The following SPATA21 variants were observed in gnomAD, a reference collection of about 807,000 sequenced individuals.
The protein encoded by SPATA21 is spermatogenesis associated 21.
Under a neutral mutation model 54.8 loss-of-function variants are expected in SPATA21, and 47 were observed. The observed-to-expected ratio is 0.86, with a 90% CI of 0.68 to 1.09. The LOEUF (loss-of-function observed/expected upper bound fraction) is 1.09, where lower values mean the gene tolerates loss of function less well. Among genes scored for constraint, SPATA21 ranks in the 50% least tolerant of loss-of-function variants. SPATA21 has a pLI of 0.00. For missense variants in SPATA21, 599 were observed against 596.4 expected, an observed-to-expected ratio of 1.00 and a Z score of -0.05; for synonymous variants, 245 against 235.3, an observed-to-expected ratio of 1.04 and a Z score of -0.38.
Position 16,412,782 on chromosome 1 carries a change from T to TTTTC in SPATA21, c.145-2743_145-2740dup, listed in dbSNP as rs766226393. 1.0e-3 allele frequency among the ~76,000 whole-genome samples: 155 copies of TTTTC among 149,808 alleles called. 1 individual carries two copies. The highest frequency in any genetic ancestry group is 2.3e-3 in the Admixed American group (35 of 14,958). On this transcript the variant is annotated intron_variant, in intron 5 of 12. Coordinates refer to ENST00000335496, the MANE Select transcript of SPATA21 (RefSeq NM_198546.1). ...CCAGCCACATTTACCAACTTAACGA[T>TTTTC]TTTCTTTCTTTCTTTCTTTCTTTTT... is the stretch of plus-strand genomic sequence containing the variant.
At chr1:16,430,834 A>G (rs1036000469) in intron 3 of SPATA21, among the ~76,000 whole-genome samples, 6 of 152,188 alleles carry the variant, frequency 3.9e-5, no homozygotes, top group African/African-American at 1.4e-4. Context: ...ATCTGGGCCA[A>G]TGACAGTGAT....
chr1:16,398,927 C>T (rs2085359585), intron 12 of SPATA21, 105 bp from the exon 13 acceptor site: 2 of 1,205,152 alleles, frequency 1.7e-6, no homozygotes, highest in Non-Finnish European at 2.3e-6. Context: ...GAGAGGAGGC[C>T]TCCCCTCAGA....
chr1:16,421,938 G>A lies in SPATA21; in HGVS notation c.68C>T (p.Thr23Met), dbSNP rs149847071. Residue 23 changes from threonine to methionine, a missense_variant, in exon 4 of 13, where the codon ACG becomes ATG. Transcript: ENST00000335496. This position sits in a 1 kb window ranked among gnomAD's most constrained non-coding sequence, Gnocchi z 5.2. ...TCCTTTTGCTTTTTTAGGTCCAGGC[G>A]TGGATGGCAGGAAGGGGTTGACTGT... ...EKTVNPFLPS[T>M]PGPKKAKGGG... 5.1e-5 allele frequency: 83 copies of A among 1,614,192 alleles called. No individual in the cohort carries two copies. Among genetic ancestry groups the A allele is most frequent in the Admixed American group, 6.7e-5 (4 of 60,020 alleles).
chr1:16,417,792 A>G (rs539446594), intron 5 of SPATA21, among the ~76,000 whole-genome samples: 10 of 152,066 alleles, frequency 6.6e-5, no homozygotes, highest in Middle Eastern at 3.4e-3. Context: ...TTGGTCTTGA[A>G]CTACTGACCT....
Position 16,409,978 on chromosome 1 carries a change from C to A in SPATA21, c.210G>T (p.Ala70=). Residue 70 remains alanine, a synonymous_variant, in exon 6 of 13, where the codon GCG becomes GCT. Coordinates refer to ENST00000335496, the MANE Select transcript of SPATA21 (RefSeq NM_198546.1). This position sits in a 1 kb window ranked among gnomAD's most constrained non-coding sequence, Gnocchi z 4.1. Reference sequence around the variant, plus strand: ...CGAGGCTCTGTGTCCCTGCAGCCACCGCGGGCTTCTGAGGCTGCTGCTGCG... The same window carrying A: ...CGAGGCTCTGTGTCCCTGCAGCCACAGCGGGCTTCTGAGGCTGCTGCTGCG... ...DRAQQQPQKP[A]VAAGTQSLGN... The A allele has an allele frequency of 6.2e-7, 1 of 1,607,300 alleles. No homozygotes were observed. Among genetic ancestry groups the A allele is most frequent in the Non-Finnish European group, 8.5e-7 (1 of 1,176,842 alleles).
At chr1:16,398,961 T>C in intron 12 of SPATA21, 139 bp from the exon 13 acceptor site, 1 of 927,498 alleles carries the variant, frequency 1.1e-6, no homozygotes, top group Non-Finnish European at 1.6e-6. Context: ...GCAGTTGTGC[T>C]TAGGGGCCTG....
At chr1:16,396,378 TTTGCAAAGA>T (rs2085311703), downstream of SPATA21, 1 of 152,176 alleles carries the variant, frequency 6.6e-6, no homozygotes, top group Non-Finnish European at 1.5e-5. Flanking sequence ...ACAGCTTTGC[TTTGCAAAGA>T]TTGATGACAG....
intron 3 of SPATA21, 39 bp downstream of exon 3, chr1:16,431,299 G>A: frequency 3.7e-6 from 6 of 1,614,130 alleles, no homozygotes; most frequent in Non-Finnish European, 5.1e-6. Flanking sequence ...GTGATCCTCA[G>A]GCCAGGACTT....
At chr1:16,408,584 A>G in intron 7 of SPATA21, 3 of 967,272 alleles carry the variant, frequency 3.1e-6, no homozygotes, top group African/African-American at 3.5e-5. Context: ...CAGAAGACCT[A>G]GCACGAGGCT....
intron 7 of SPATA21, among the ~76,000 whole-genome samples, chr1:16,407,691 C>T (rs181250355): frequency 8.1e-4 from 123 of 152,126 alleles, no homozygotes; most frequent in Non-Finnish European, 1.3e-3. Flanking sequence ...AACTCCTGAC[C>T]TCGTGATCCA....
chr1:16,429,790 G>C (rs1056518736), intron 3 of SPATA21, among the ~76,000 whole-genome samples: 1 of 150,962 alleles, frequency 6.6e-6, no homozygotes, highest in Non-Finnish European at 1.5e-5. Context: ...CTTTTTAAAT[G>C]GTGATATCTT....
chr1:16,398,821 C>T lies in SPATA21; in HGVS notation c.1354G>A (p.Glu452Lys). The T allele has an allele frequency of 7.4e-6, 12 of 1,612,460 alleles. No homozygotes were observed. Among genetic ancestry groups the T allele is most frequent in the Non-Finnish European group, 1.0e-5 (12 of 1,179,486 alleles). The change falls in exon 13 of 13, where the codon GAA (glutamate) becomes AAA (lysine). Residue 452 changes from glutamate (E) to lysine (K), a missense_variant and splice_region_variant. Transcript: ENST00000335496. ...FFQSGSQGNR[E>K]HNSDSRKWLS... is the part of the protein sequence containing the mutation. ...CACTTTCTGCTGTCAGAGTTGTGTT[C>T]CCTGGGGAGAGGAGTAGGGCAGAAG...
At chr1:16,400,617 G>A in intron 11 of SPATA21, 103 bp downstream of exon 11, 1 of 1,501,670 alleles carries the variant, frequency 6.7e-7, no homozygotes, top group Non-Finnish European at 8.9e-7. Context: ...TGGCCTCTCA[G>A]CTCCCTTGGC....
chr1:16,400,796 G>A lies in SPATA21; in HGVS notation c.1098C>T (p.Pro366=). 4 of 1,612,064 alleles carry A rather than the reference G, an allele frequency of 2.5e-6. No individual in the cohort carries two copies. Among genetic ancestry groups the A allele is most frequent in the Non-Finnish European group, 3.4e-6 (4 of 1,179,494 alleles). ...RLRLQKLPYN[P]QQEESSEVPE... ...GAACTTCTGAGCTCTCTTCTTGCTG[G>A]GGGTTGTAGGGAAGCTTCTGCAACC... is the stretch of plus-strand genomic sequence containing the variant. The change falls in exon 11 of 13, where the codon CCC becomes CCT. Residue 366 remains proline, a synonymous_variant. Transcript: ENST00000335496.
At chr1:16,436,044 A>T (rs1387107365) in intron 1 of SPATA21, among the ~76,000 whole-genome samples, 1 of 150,796 alleles carries the variant, frequency 6.6e-6, no homozygotes, top group Non-Finnish European at 1.5e-5. Context: ...TGAGGTCAGG[A>T]GTTTGAGACC....
chr1:16,422,509 AT>A (rs112533132), intron 3 of SPATA21, among the ~76,000 whole-genome samples: 64,708 of 142,650 alleles, frequency 0.45, 14,490 homozygotes, highest in East Asian at 0.73. Flanking sequence ...GTGTGTGTGT[AT>A]TTTTTTTTTT....
chr1:16,428,390 G>GTT lies in SPATA21; in HGVS notation c.34+2946_34+2947dup, dbSNP rs1389454718. 1.3e-5 allele frequency among the ~76,000 whole-genome samples: 2 copies of GTT among 152,102 alleles called. No homozygotes were observed. The highest frequency in any genetic ancestry group is 2.9e-5 in the Non-Finnish European group (2 of 68,034). On this transcript the variant is annotated intron_variant, in intron 3 of 12. Coordinates refer to ENST00000335496, the MANE Select transcript of SPATA21 (RefSeq NM_198546.1). The surrounding 1 kb of genome is among the most constrained non-coding windows in gnomAD (Gnocchi z 4.3). ...AAACGCAGGCTCTAGTTTGAACTGA[G>GTT]TTTTTATTTCATTTTTTGAGAGAGA...
intron 5 of SPATA21, among the ~76,000 whole-genome samples, chr1:16,414,947 A>G (rs1011838941): frequency 4.0e-5 from 6 of 151,116 alleles, no homozygotes; most frequent in Admixed American, 2.6e-4. Context: ...CCTAGAAAAG[A>G]GACCCATTTT....
chr1:16,404,840 CTG>C (rs1570103596), intron 8 of SPATA21, 125 bp downstream of exon 8: 2 of 1,083,322 alleles, frequency 1.8e-6, no homozygotes, highest in Non-Finnish European at 2.5e-6. Flanking sequence ...CATTTCTAGA[CTG>C]TGACAGTAGA....
Sources: allele counts gnomAD v4.1 joint callset (sites outside exome capture counted in the v4.1 genomes callset), GRCh38; gene constraint gnomAD v4.1.1; non-coding constraint Gnocchi (gnomAD v3.1); transcripts MANE v1.5; gene names NCBI Gene and HGNC (gene_info 2026-07-23, HGNC 2026-07-21).